DIABLO: variants seen among roughly 807,000 people sequenced by gnomAD.
DIABLO encodes diablo IAP-binding mitochondrial protein.
In DIABLO, 32 loss-of-function variants were observed where a neutral mutation model predicts 31.7. The observed-to-expected ratio is 1.01, with a 90% CI of 0.76 to 1.35. The LOEUF is 1.35. Among genes scored for constraint, DIABLO ranks in the 40% most tolerant of loss-of-function variants. DIABLO has a pLI of 0.00. For synonymous variants in DIABLO, 132 were observed against 103.2 expected, an observed-to-expected ratio of 1.28 and a Z score of -1.69; for missense variants, 316 against 286.4, an observed-to-expected ratio of 1.10 and a Z score of -0.75.
upstream of DIABLO, chr12:122,226,178 G>C: frequency 9.0e-7 from 1 of 1,114,120 alleles, no homozygotes; most frequent in Middle Eastern, 2.8e-4. Context: ...GCGAGGCTTA[G>C]GGCAAAGGCT....
chr12:122,225,524 G>A (rs1187777676), intron 1 of DIABLO: 2 of 1,077,696 alleles, frequency 1.9e-6, no homozygotes, highest in Admixed American at 4.9e-5. Flanking sequence ...CGCTACAATC[G>A]CCCAGGAGCC....
upstream of DIABLO, chr12:122,226,097 G>C (rs764601927): frequency 1.9e-6 from 3 of 1,539,070 alleles, no homozygotes; most frequent in African/African-American, 1.4e-5. Context: ...CTCCACCTGA[G>C]AGCGCCTCGC....
Position 122,225,984 on chromosome 12 carries a change from T to G in DIABLO, c.31A>C (p.Ser11Arg), listed in dbSNP as rs201238806. 36 of 1,601,882 alleles carry G rather than the reference T, an allele frequency of 2.2e-5. No individual in the cohort carries two copies. The highest frequency in any genetic ancestry group is 2.8e-5 in the Non-Finnish European group (33 of 1,175,082). MAALKSWLSR[S>R]VTSFFRYRQC... is the part of the protein sequence containing the mutation. Reference sequence around the variant, plus strand: ...CGGTACCTGAAGAATGAAGTTACGCTGCGCGACAGCCAACTCTTCAGAGCC... The same window carrying G: ...CGGTACCTGAAGAATGAAGTTACGCGGCGCGACAGCCAACTCTTCAGAGCC... The change falls in exon 1 of 6, where the codon AGC (serine) becomes CGC (arginine). Residue 11 changes from serine to arginine, a missense_variant. Ser to Arg is a moderately radical substitution (Grantham distance 110, BLOSUM62 -1). Coordinates refer to ENST00000464942, the MANE Select transcript of DIABLO (RefSeq NM_001371333.1).
chr12:122,226,294 G>A (rs1488008621), upstream of DIABLO: 1 of 680,350 alleles, frequency 1.5e-6, no homozygotes, highest in East Asian at 2.7e-5. Context: ...TGAGTCGGGC[G>A]CCGTGACGCT....
At chr12:122,215,153 G>A (rs189124557) in intron 5 of DIABLO, among the ~76,000 whole-genome samples, 7 of 152,306 alleles carry the variant, frequency 4.6e-5, no homozygotes, top group South Asian at 2.1e-4. Flanking sequence ...TTAGCCAGGC[G>A]TGGTGGTGCA....
At chr12:122,216,304 ATT>A (rs904579410) in intron 5 of DIABLO, among the ~76,000 whole-genome samples, 182 bp downstream of exon 5, 1 of 152,230 alleles carries the variant, frequency 6.6e-6, no homozygotes, top group Non-Finnish European at 1.5e-5. Context: ...GGGTATGCTC[ATT>A]GTTTCTATTG....
intron 1 of DIABLO, chr12:122,225,756 T>C (rs1173700387): frequency 2.1e-5 from 30 of 1,438,672 alleles, no homozygotes; most frequent in Non-Finnish European, 2.3e-5. Flanking sequence ...TTCTAGAAGA[T>C]GGACGAACTG....
rs1954221468 is a variant in DIABLO at position 122,216,763 on chromosome 12, G to T, written c.422C>A (p.Ala141Asp). 6.2e-7 allele frequency: 1 copy of T among 1,613,986 alleles called. No homozygotes were observed. The highest frequency in any genetic ancestry group is 8.5e-7 in the Non-Finnish European group (1 of 1,179,862). ...EVWQVIIGAR[A>D]EMTSKHQEYL... ...TGCCTAGAACTTTCTGCTTACCTCA[G>T]CTCTGGCTCCTATGATCACCTGCCA... Residue 141 changes from alanine (A) to aspartate (D), a missense_variant, in exon 4 of 6, where the codon GCT becomes GAT. By Grantham distance (126) the Ala-to-Asp change is moderately radical (BLOSUM62 -2). Transcript: ENST00000464942.
chr12:122,207,850 T>C lies in DIABLO; in HGVS notation c.*531A>G, dbSNP rs1953961587. On this transcript the variant is annotated 3_prime_UTR_variant, in exon 6 of 6. Transcript: ENST00000464942. ...CACCCCTTCTCTTAGTAGTAATAGGTTTTTCACTCCTTGGCCTCAGCTGTC... is the reference window on the plus strand; with the variant it reads ...CACCCCTTCTCTTAGTAGTAATAGGCTTTTCACTCCTTGGCCTCAGCTGTC... 2.2e-6 allele frequency: 1 copy of C among 460,168 alleles called. No individual in the cohort carries two copies. Among genetic ancestry groups the C allele is most frequent in the African/African-American group, 2.0e-5 (1 of 50,182 alleles). 28.5% of individuals were successfully genotyped at this position (460,168 alleles called of 1,614,324 possible). A position where few individuals can be genotyped will look rare whatever the true frequency, so the allele number is the denominator to read the frequency against.
chr12:122,226,186 G>T, upstream of DIABLO: 2 of 1,047,960 alleles, frequency 1.9e-6, no homozygotes, highest in Non-Finnish European at 2.8e-6. Context: ...TAGGGCAAAG[G>T]CTGTAACGGC....
Position 122,225,970 on chromosome 12 carries a change from G to A in DIABLO, c.45C>T (p.Phe15=), listed in dbSNP as rs750614867. ...KSWLSRSVTS[F]FRYRQCLCVP... ...CTACGCGGCCGCAGCGGTACCTGAA[G>A]AATGAAGTTACGCTGCGCGACAGCC... Residue 15 remains phenylalanine, a synonymous_variant, in exon 1 of 6, where the codon TTC becomes TTT. Coordinates refer to ENST00000464942, the MANE Select transcript of DIABLO (RefSeq NM_001371333.1). 1.4e-5 allele frequency: 22 copies of A among 1,598,018 alleles called. No homozygotes were observed. Among genetic ancestry groups the A allele is most frequent in the Admixed American group, 1.2e-4 (7 of 58,088 alleles).
chr12:122,220,329 G>A (rs1026706814), intron 2 of DIABLO, among the ~76,000 whole-genome samples: 2 of 152,004 alleles, frequency 1.3e-5, no homozygotes, highest in African/African-American at 4.8e-5. Context: ...CTAAATACTG[G>A]CAACTGTAAT....
chr12:122,215,787 A>G (rs1440638769), intron 5 of DIABLO, among the ~76,000 whole-genome samples: 1 of 150,474 alleles, frequency 6.6e-6, no homozygotes, highest in East Asian at 2.0e-4. Context: ...CTATAATCCC[A>G]GCACTTTGGG....
rs1313251652 is a variant in DIABLO at position 122,208,472 on chromosome 12, T to G, written c.629A>C (p.Glu210Ala). Reference protein sequence around the residue: ...LSRKAETKLAEAQIEELRQKT... With the variant: ...LSRKAETKLAAAQIEELRQKT... Reference sequence around the variant, plus strand: ...CTGACGGAGCTCTTCTATCTGTGCTTCTGCCAGCTTGGTTTCTGCTTTCCG... The same window carrying G: ...CTGACGGAGCTCTTCTATCTGTGCTGCTGCCAGCTTGGTTTCTGCTTTCCG... Residue 210 changes from glutamate to alanine, a missense_variant, in exon 6 of 6, where the codon GAA (glutamate) becomes GCA (alanine). By Grantham distance (107) the Glu-to-Ala change is moderately radical. Transcript: ENST00000464942. The G allele has an allele frequency of 1.2e-6, 2 of 1,614,192 alleles. No individual in the cohort carries two copies. Among genetic ancestry groups the G allele is most frequent in the East Asian group, 4.5e-5 (2 of 44,886 alleles).
intron 5 of DIABLO, chr12:122,209,564 C>T: frequency 3.7e-6 from 2 of 541,796 alleles, no homozygotes; most frequent in Non-Finnish European, 3.3e-6. Flanking sequence ...ACTTGGGAGC[C>T]TGAAGCAGGA....
Position 122,226,010 on chromosome 12 carries a change from G to A in DIABLO, c.5C>T (p.Ala2Val), listed in dbSNP as rs766595331. The A allele has an allele frequency of 8.7e-6, 14 of 1,603,482 alleles. No homozygotes were observed. In the South Asian group the frequency reaches 1.6e-4, roughly 18 times the overall value. The part of the protein sequence containing the change: M[A>V]ALKSWLSRSV... ...GCGCGACAGCCAACTCTTCAGAGCCGCCATTGTGCAGCGCGCGGACGCCAG... is the reference window on the plus strand; with the variant it reads ...GCGCGACAGCCAACTCTTCAGAGCCACCATTGTGCAGCGCGCGGACGCCAG... The change falls in exon 1 of 6, where the codon GCG becomes GTG. Residue 2 changes from alanine (A) to valine (V), a missense_variant. Physicochemically the swap from Ala to Val is moderately conservative, Grantham distance 64 (BLOSUM62 0). Coordinates refer to ENST00000464942, the MANE Select transcript of DIABLO (RefSeq NM_001371333.1).
At chr12:122,222,622 G>A (rs1222866933) in intron 2 of DIABLO, 2 of 151,856 alleles carry the variant, frequency 1.3e-5, no homozygotes, top group African/African-American at 4.8e-5. Flanking sequence ...GGTCCCCAAC[G>A]TTTGTGGCAC....
chr12:122,219,799 G>T (rs1954294920), intron 2 of DIABLO, among the ~76,000 whole-genome samples: 2 of 151,040 alleles, frequency 1.3e-5, no homozygotes, highest in Non-Finnish European at 3.0e-5. Context: ...GGAGGTGGAG[G>T]TTGCAGTGAG....
chr12:122,212,113 GGTGTGAACTACT>G (rs1954101797), intron 5 of DIABLO, among the ~76,000 whole-genome samples: 1 of 151,728 alleles, frequency 6.6e-6, no homozygotes, highest in African/African-American at 2.4e-5. Flanking sequence ...TGGGATCATA[GGTGTGAACTACT>G]GCACGTGGCC....
Sources: gnomAD v4.1 joint callset for allele counts (sites outside exome capture counted in the v4.1 genomes callset) on GRCh38, gnomAD v4.1.1 for gene constraint, MANE v1.5 for transcripts, NCBI Gene and HGNC (gene_info 2026-07-23, HGNC 2026-07-21) for gene names.